Variants in CARD10 observed in about 807,000 individuals in gnomAD.
CARD10 encodes the protein caspase recruitment domain family member 10, also known as caspase recruitment domain-containing protein 10.
A neutral mutation model predicts 114.6 loss-of-function variants in CARD10; 49 were observed. That is an observed-to-expected ratio of 0.43 (90% confidence interval 0.34 to 0.54). The LOEUF (loss-of-function observed/expected upper bound fraction) is 0.54. Among genes scored for constraint, CARD10 ranks in the 20% least tolerant of loss-of-function variants. The pLI, the probability that CARD10 is intolerant of heterozygous loss-of-function variation, is 0.03. For synonymous variants in CARD10, 602 were observed against 593.2 expected (o/e 1.01, Z -0.21); for missense variants, 1,206 against 1,397.2 (o/e 0.86, Z 2.18).
At chr22:37,511,403 A>AGGAGGAGGGGG (rs1923640775) in intron 3 of CARD10, among the ~76,000 whole-genome samples, 1 of 101,412 alleles carries the variant, frequency 9.9e-6, no homozygotes, top group Non-Finnish European at 1.9e-5. Flanking sequence ...GGGGGTGAGG[A>AGGAGGAGGGGG]GGAGGAGGGG....
Position 37,492,523 on chromosome 22 carries a change from G to A in CARD10, c.2663C>T (p.Pro888Leu). 6.2e-7 allele frequency: 1 copy of A among 1,604,110 alleles called. No individual in the cohort carries two copies. Among genetic ancestry groups the A allele is most frequent in the Non-Finnish European group, 8.5e-7 (1 of 1,174,202 alleles). Reference protein sequence around the residue: ...AESLSGEELCPSSAPGAPKAQ... With the variant: ...AESLSGEELCLSSAPGAPKAQ... ...CTTGGGGGCTCCAGGCGCTGAGGAT[G>A]GGCACAGTTCCTCCCCAGAGAGGCT... The change falls in exon 18 of 20, where the codon CCA (proline) becomes CTA (leucine). Residue 888 changes from proline (P) to leucine (L), a missense_variant. Pro to Leu is a moderately conservative substitution (Grantham distance 98). Coordinates refer to ENST00000251973, the MANE Select transcript of CARD10 (RefSeq NM_014550.4). The surrounding 1 kb of genome is among the most constrained non-coding windows in gnomAD (Gnocchi z 5.7).
intron 11 of CARD10, among the ~76,000 whole-genome samples, chr22:37,500,091 T>C (rs1026130620): frequency 4.6e-5 from 7 of 152,224 alleles, no homozygotes; most frequent in African/African-American, 1.7e-4. Context: ...GTAGTCTGCG[T>C]GCCTGCTTGG....
rs1923950047 is a variant in CARD10, at chr22:37,519,253, T to TC, written c.-54dup. 8 of 1,444,674 alleles carry TC rather than the reference T, an allele frequency of 5.5e-6. No individual in the cohort carries two copies. Among genetic ancestry groups the TC allele is most frequent in the Non-Finnish European group, 6.4e-6 (7 of 1,100,650 alleles). The allele number at this position is 1,444,674 out of a possible 1,614,324, so 89.5% of individuals were successfully genotyped here. On this transcript the variant is annotated 5_prime_UTR_variant, in exon 1 of 20. Transcript: ENST00000251973. The surrounding 1 kb of genome is among the most constrained non-coding windows in gnomAD (Gnocchi z 4.1). ...GAGGCGCACGGGGGTCGACCAGGGC[T>TC]CCCTAGGGCTAGATGTGCGGCCAAG...
At chr22:37,508,238 C>T (rs1443261877) in intron 5 of CARD10, among the ~76,000 whole-genome samples, 1 of 152,202 alleles carries the variant, frequency 6.6e-6, no homozygotes, top group Non-Finnish European at 1.5e-5. Flanking sequence ...TCTGCATCTC[C>T]CACGGTGCTC....
chr22:37,503,280 C>G, intron 9 of CARD10, 67 bp from the exon 10 acceptor site: 1 of 1,442,400 alleles, frequency 6.9e-7, no homozygotes, highest in Non-Finnish European at 9.4e-7. Context: ...CCCGCTCCCT[C>G]CTCCTGCCCC....
chr22:37,514,400 G>A (rs1923765278), intron 3 of CARD10, among the ~76,000 whole-genome samples: 3 of 152,062 alleles, frequency 2.0e-5, no homozygotes, highest in Admixed American at 1.3e-4. Context: ...AGTAGAGCAG[G>A]CCTGGGACAT....
At chr22:37,497,281 T>A in intron 11 of CARD10, 103 bp from the exon 12 acceptor site, 1 of 1,224,566 alleles carries the variant, frequency 8.2e-7, no homozygotes, top group Non-Finnish European at 1.1e-6. Flanking sequence ...AAGTATGCCA[T>A]GACTCCCACC....
At chr22:37,509,325 C>A (rs1923529111) in intron 4 of CARD10, among the ~76,000 whole-genome samples, 1 of 152,142 alleles carries the variant, frequency 6.6e-6, no homozygotes, top group Admixed American at 6.5e-5. Flanking sequence ...GGCCCTTTCC[C>A]CAGAAAAATG....
intron 4 of CARD10, chr22:37,509,001 C>T: frequency 6.5e-7 from 1 of 1,549,852 alleles, no homozygotes; most frequent in Non-Finnish European, 8.7e-7. Context: ...CTCTGGCCCT[C>T]ACCCACCATC....
intron 3 of CARD10, among the ~76,000 whole-genome samples, chr22:37,513,269 C>T (rs1414613387): frequency 3.3e-5 from 5 of 152,048 alleles, no homozygotes; most frequent in Non-Finnish European, 7.4e-5. Context: ...TGCCACCACG[C>T]CCGGCTAATT....
At chr22:37,502,163 C>T (rs1271801417) in intron 11 of CARD10, among the ~76,000 whole-genome samples, 1 of 152,198 alleles carries the variant, frequency 6.6e-6, no homozygotes, top group Non-Finnish European at 1.5e-5. Flanking sequence ...CTGAGGTGAC[C>T]CAAGCCCACC....
At position 37,519,070 on chromosome 22, in the gene CARD10, G is replaced by A; in HGVS notation, c.131C>T (p.Pro44Leu). 2 of 1,590,858 alleles carry A rather than the reference G, an allele frequency of 1.3e-6. No individual in the cohort carries two copies. The highest frequency in any genetic ancestry group is 1.7e-6 in the Non-Finnish European group (2 of 1,175,946). The change falls in exon 1 of 20, where the codon CCG (proline) becomes CTG (leucine). Residue 44 changes from proline to leucine, a missense_variant. This residue lies in a region of CARD10 where 138 missense variants were observed against 218.0 expected (regional missense o/e 0.63). Transcript: ENST00000251973. This position sits in a 1 kb window ranked among gnomAD's most constrained non-coding sequence, Gnocchi z 4.1. ...VRHRLARALN[P>L]AKLTPYLRQC... Reference sequence around the variant, plus strand: ...GCGCAGATACGGCGTGAGCTTGGCCGGGTTCAGGGCGCGAGCCAGCCGATG... The same window carrying A: ...GCGCAGATACGGCGTGAGCTTGGCCAGGTTCAGGGCGCGAGCCAGCCGATG...
intron 3 of CARD10, among the ~76,000 whole-genome samples, chr22:37,515,579 A>C (rs1249525491): frequency 6.6e-6 from 1 of 151,952 alleles, no homozygotes; most frequent in Non-Finnish European, 1.5e-5. Context: ...AAAAAAAAAA[A>C]AAAACAACTT....
Position 37,507,755 on chromosome 22 carries a change from C to T in CARD10, c.1191+74G>A, listed in dbSNP as rs1174630151. The T allele has an allele frequency of 1.9e-6, 3 of 1,576,002 alleles. No individual in the cohort carries two copies. In the African/African-American group the frequency reaches 4.0e-5, roughly 21 times the overall value. On this transcript the variant is annotated intron_variant, in intron 6 of 19. Transcript: ENST00000251973. ...TCTCTTTCTACCATTCTAGTCCCCT[C>T]CATTGCTCCTTGTCTCCTCCCATAT...
rs184424808 is a variant in CARD10, at chr22:37,506,392, G to T, written c.1192-9C>A. 1.2e-5 allele frequency: 18 copies of T among 1,536,814 alleles called. No homozygotes were observed. The East Asian group carries it at 4.2e-4, about 36-fold the overall frequency. ...TCACGGCTCTGGATGGCCTAGGGTT[G>T]GGGGAGGGGAGGCAGCAGCTGAAGG... On this transcript the variant is annotated splice_polypyrimidine_tract_variant and intron_variant, in intron 6 of 19. Coordinates refer to ENST00000251973, the MANE Select transcript of CARD10 (RefSeq NM_014550.4).
In CARD10 at chr22:37,513,065, A is replaced by T. The variant is rs1923716665; in HGVS notation, c.700-2644T>A. Reference sequence around the variant, plus strand: ...AGCAGAAAAGCTCCAAACATAAATTATAAATTAAGGTAAATTTATAGTAGC... The same window carrying T: ...AGCAGAAAAGCTCCAAACATAAATTTTAAATTAAGGTAAATTTATAGTAGC... On this transcript the variant is annotated intron_variant, in intron 3 of 19. Coordinates refer to ENST00000251973, the MANE Select transcript of CARD10 (RefSeq NM_014550.4). 2.0e-5 allele frequency among the ~76,000 whole-genome samples: 3 copies of T among 152,304 alleles called. No individual in the cohort carries two copies. In the South Asian group the frequency reaches 6.2e-4, roughly 32 times the overall value.
rs1269940184 is a variant in CARD10, at chr22:37,504,635, C to T, written c.1518G>A (p.Ser506=). ...AVMGGPEPHN[S]EEATDSEKEI... ...ATTTGGGATGGGGCAGTTGTCTTAC[C>T]GAGTTGTGAGGCTCAGGTCCCCCCA... The change falls in exon 8 of 20, where the codon TCG becomes TCA. Residue 506 remains serine (S), a splice_region_variant and synonymous_variant. Transcript: ENST00000251973. The T allele has an allele frequency of 1.3e-6, 2 of 1,485,332 alleles. No homozygotes were observed. Among genetic ancestry groups the T allele is most frequent in the Non-Finnish European group, 1.8e-6 (2 of 1,118,428 alleles). 92.0% of individuals were successfully genotyped at this position (1,485,332 alleles called of 1,614,324 possible).
chr22:37,515,563 C>CAAAA (rs754752709), intron 3 of CARD10, among the ~76,000 whole-genome samples: 2 of 73,684 alleles, frequency 2.7e-5, no homozygotes, highest in African/African-American at 4.5e-5. Context: ...GACTCCATCT[C>CAAAA]AAAAAAAAAA....
Position 37,491,239 on chromosome 22 carries a change from G to T in CARD10, c.3019C>A (p.Arg1007Ser). ...AEELAKVVRG[R>S]ILQEQARLVW... ...AGGCGGGCCTGCTCCTGCAGGATGC[G>T]GCCGCGCACCACCTTGGCCAGCTCC... is the stretch of plus-strand genomic sequence containing the variant. The change falls in exon 20 of 20, where the codon CGC (arginine) becomes AGC (serine). Residue 1007 changes from arginine (R) to serine (S), a missense_variant. Around this residue, in one of 2 missense-constraint regions of CARD10, gnomAD observed 1,068 missense variants for 1,179.1 expected, o/e 0.91. Transcript: ENST00000251973. The T allele has an allele frequency of 6.4e-7, 1 of 1,566,634 alleles. No homozygotes were observed. The highest frequency in any genetic ancestry group is 8.6e-7 in the Non-Finnish European group (1 of 1,160,750).
Sources: gnomAD v4.1 joint callset for allele counts (sites outside exome capture counted in the v4.1 genomes callset) on GRCh38, gnomAD v4.1.1 for gene constraint, gnomAD v4.1.1 regional missense constraint, Gnocchi (gnomAD v3.1) non-coding constraint, MANE v1.5 for transcripts, NCBI Gene and HGNC (gene_info 2026-07-23, HGNC 2026-07-21) for gene names.